PDE10A: variants seen among roughly 807,000 people sequenced by gnomAD.
The protein encoded by PDE10A is phosphodiesterase 10A.
A neutral mutation model predicts 97.7 loss-of-function variants in PDE10A; 39 were observed. That is an observed-to-expected ratio of 0.40 (90% CI 0.31 to 0.52). The LOEUF is 0.52. PDE10A is among the 20% of genes least tolerant of loss of function. The pLI is 0.56. For synonymous variants in PDE10A, 371 were observed against 376.8 expected (o/e 0.98, Z 0.18); for missense variants, 731 against 1,047.8 (o/e 0.70, Z 4.17).
At chr6:165,507,498 C>T (rs1364429258) in intron 2 of PDE10A, among the ~76,000 whole-genome samples, 2 of 152,034 alleles carry the variant, frequency 1.3e-5, no homozygotes, top group Non-Finnish European at 2.9e-5. Context: ...AAGACAGACA[C>T]CCCAGTATCC....
intron 2 of PDE10A, among the ~76,000 whole-genome samples, chr6:165,523,267 T>G (rs1198271995): frequency 1.3e-5 from 2 of 152,090 alleles, no homozygotes; most frequent in Non-Finnish European, 2.9e-5. Context: ...TAGAAAAAAC[T>G]ATTCTAAAAT....
At chr6:165,674,257 A>C (rs1790729954) in intron 1 of PDE10A, among the ~76,000 whole-genome samples, 1 of 152,012 alleles carries the variant, frequency 6.6e-6, no homozygotes, top group Non-Finnish European at 1.5e-5. Flanking sequence ...TGTTGCCGTG[A>C]GGATGACCAA....
chr6:165,648,816 G>T (rs1429684594), intron 1 of PDE10A, among the ~76,000 whole-genome samples: 1 of 152,166 alleles, frequency 6.6e-6, no homozygotes, highest in Non-Finnish European at 1.5e-5. Flanking sequence ...TTAAACTAGG[G>T]CAGTAATATT....
intron 1 of PDE10A, among the ~76,000 whole-genome samples, chr6:165,698,387 A>C (rs1791489973): frequency 1.3e-5 from 2 of 152,256 alleles, no homozygotes. Context: ...ACACATAAGA[A>C]AAGAACAGGC....
chr6:165,462,935 A>G (rs1434818491), intron 3 of PDE10A, among the ~76,000 whole-genome samples: 3 of 152,238 alleles, frequency 2.0e-5, no homozygotes, highest in African/African-American at 4.8e-5. Flanking sequence ...ATCTGCTACT[A>G]TAATTGAGGC....
intron 1 of PDE10A, among the ~76,000 whole-genome samples, chr6:165,749,037 T>G (rs1400336579): frequency 6.6e-6 from 1 of 152,216 alleles, no homozygotes; most frequent in Non-Finnish European, 1.5e-5. Flanking sequence ...ACTAATTTAA[T>G]ATTCTAATCT....
At position 165,369,421 on chromosome 6, in the gene PDE10A, A is replaced by T. The variant is rs1445218902; in HGVS notation, c.2783+9773T>A. ...AGCTGAAAACCAAGGCTCAAGAACT[A>T]CGTGAAGAATGCAGAAGCCTCAGGA... On this transcript the variant is annotated intron_variant, in intron 18 of 21. Coordinates refer to ENST00000539869, the MANE Select transcript of PDE10A (RefSeq NM_001385079.1). Among the ~76,000 whole-genome samples, 20 of 151,896 alleles carry T rather than the reference A, an allele frequency of 1.3e-4. 1 individual carries two copies. Among genetic ancestry groups the T allele is most frequent in the Middle Eastern group, 6.8e-3 (2 of 294 alleles).
intron 21 of PDE10A, among the ~76,000 whole-genome samples, chr6:165,334,812 G>A (rs1435403515): frequency 6.6e-6 from 1 of 152,012 alleles, no homozygotes; most frequent in East Asian, 1.9e-4. Context: ...AGGAAGGAAG[G>A]AGAAACCGTT....
At chr6:165,367,799 TAAAAAAAAACAA>T (rs1000430923) in intron 18 of PDE10A, among the ~76,000 whole-genome samples, 61 of 150,032 alleles carry the variant, frequency 4.1e-4, no homozygotes, top group African/African-American at 1.5e-3. Flanking sequence ...ATTCTTAGAT[TAAAAAAAAACAA>T]AAACAAAAAA....
chr6:165,478,913 G>T (rs1779446138), intron 3 of PDE10A, among the ~76,000 whole-genome samples: 1 of 152,110 alleles, frequency 6.6e-6, no homozygotes, highest in Non-Finnish European at 1.5e-5. Flanking sequence ...ATCCGACTAT[G>T]ACCTGGATGC....
intron 2 of PDE10A, among the ~76,000 whole-genome samples, chr6:165,485,095 G>C (rs1779822978): frequency 6.6e-6 from 1 of 152,162 alleles, no homozygotes; most frequent in South Asian, 2.1e-4. Flanking sequence ...AGTCCACTGT[G>C]TATATGTGGT....
intron 1 of PDE10A, among the ~76,000 whole-genome samples, chr6:165,776,171 CTT>C (rs1242497333): frequency 6.6e-6 from 1 of 152,176 alleles, no homozygotes; most frequent in Admixed American, 6.5e-5. Flanking sequence ...TTTAAATAAA[CTT>C]ATTTTTAGAT....
chr6:165,857,698 C>CGTGTGTGT lies in PDE10A; in HGVS notation c.-615+129823_-615+129830dup, dbSNP rs775208021. 3.0e-3 allele frequency among the ~76,000 whole-genome samples: 375 copies of CGTGTGTGT among 123,508 alleles called. 1 individual carries two copies. Among genetic ancestry groups the CGTGTGTGT allele is most frequent in the East Asian group, 9.1e-3 (27 of 2,982 alleles). The allele number at this position is 123,508 out of a possible 152,430, so 81.0% of individuals were successfully genotyped here. A position where few individuals can be genotyped will look rare whatever the true frequency, so the allele number is the denominator to read the frequency against. On this transcript the variant is annotated intron_variant, in intron 1 of 19. Transcript: ENST00000366882. ...CTTTGCAATGTGATTTCAACAGTTC[C>CGTGTGTGT]GTGTGTGTGTGTGTGTGTGTGTGTG...
chr6:165,719,319 G>A (rs867244775), intron 1 of PDE10A, among the ~76,000 whole-genome samples: 1 of 152,162 alleles, frequency 6.6e-6, no homozygotes, highest in Non-Finnish European at 1.5e-5. Flanking sequence ...GCTCATTATC[G>A]GCAGGGATCC....
At chr6:165,943,215 GAAA>G (rs1783609449) in intron 1 of PDE10A, among the ~76,000 whole-genome samples, 1 of 76,418 alleles carries the variant, frequency 1.3e-5, no homozygotes, top group African/African-American at 6.1e-5. Flanking sequence ...AAGAAAGAAA[GAAA>G]GAAAGAAAGA....
At chr6:165,774,248 T>G (rs1429459846) in intron 1 of PDE10A, among the ~76,000 whole-genome samples, 1 of 152,114 alleles carries the variant, frequency 6.6e-6, no homozygotes, top group Non-Finnish European at 1.5e-5. Context: ...TCTTTTCATT[T>G]TAATTCCATT....
chr6:165,707,591 TGA>T (rs1398472449), intron 1 of PDE10A, among the ~76,000 whole-genome samples: 2 of 152,006 alleles, frequency 1.3e-5, no homozygotes, highest in African/African-American at 2.4e-5. Flanking sequence ...TGTGTGTGTG[TGA>T]GTGTGTGACA....
At chr6:165,351,185 G>T (rs1174850072) in intron 18 of PDE10A, among the ~76,000 whole-genome samples, 1 of 152,024 alleles carries the variant, frequency 6.6e-6, no homozygotes, top group Non-Finnish European at 1.5e-5. Flanking sequence ...ATTGGGCTTT[G>T]GTTGTTTCAT....
chr6:165,420,900 G>A (rs775648330), intron 10 of PDE10A, among the ~76,000 whole-genome samples: 29 of 152,132 alleles, frequency 1.9e-4, no homozygotes, highest in Admixed American at 2.6e-4. Context: ...TGTATGCTGC[G>A]TCACTGATAC....
Sources: gnomAD v4.1 joint callset for allele counts (sites outside exome capture counted in the v4.1 genomes callset) on GRCh38, gnomAD v4.1.1 for gene constraint, MANE v1.5 for transcripts, NCBI Gene and HGNC (gene_info 2026-07-23, HGNC 2026-07-21) for gene names.